Variants in CHSY1 observed in about 807,000 individuals in gnomAD.
CHSY1 encodes the protein chondroitin sulfate synthase 1.
CHSY1 carries 13 observed loss-of-function variants against 59.8 expected under a neutral mutation model. The observed-to-expected ratio is 0.22, with a 90% CI of 0.14 to 0.35. The LOEUF (loss-of-function observed/expected upper bound fraction) is 0.35. CHSY1 is among the 10% of genes least tolerant of loss of function. The pLI is 1.00. For missense variants in CHSY1, 947 were observed against 1,030.6 expected (o/e 0.92, Z 1.11); for synonymous variants, 459 against 401.2 (o/e 1.14, Z -1.72).
chr15:101,248,343 A>T (rs779923690), intron 1 of CHSY1, among the ~76,000 whole-genome samples: 5 of 152,236 alleles, frequency 3.3e-5, no homozygotes, highest in Non-Finnish European at 7.3e-5. Context: ...TTAAGGCTAA[A>T]ATCGTCTTGT....
intron 2 of CHSY1, among the ~76,000 whole-genome samples, chr15:101,198,280 A>G (rs1382565257): frequency 1.3e-5 from 2 of 152,148 alleles, no homozygotes; most frequent in Non-Finnish European, 2.9e-5. Context: ...AGACGGCAGT[A>G]AAGCAAAATG....
chr15:101,176,589 T>A lies in CHSY1; in HGVS notation c.*799A>T. 5.1e-6 allele frequency: 2 copies of A among 393,538 alleles called. No individual in the cohort carries two copies. The highest frequency in any genetic ancestry group is 9.0e-6 in the Non-Finnish European group (2 of 223,360). The allele number at this position is 393,538 out of a possible 1,614,324, so 24.4% of individuals were successfully genotyped here. On this transcript the variant is annotated 3_prime_UTR_variant, in exon 3 of 3. Coordinates refer to ENST00000254190, the MANE Select transcript of CHSY1 (RefSeq NM_014918.5). ...TCTTCACGCCCCTTGCTTTAAAACC[T>A]ACGTGGCCAGCTGGGCTTGCATGGT...
intron 2 of CHSY1, among the ~76,000 whole-genome samples, chr15:101,213,456 AAAT>A (rs2141262166): frequency 6.6e-6 from 1 of 152,376 alleles, no homozygotes; most frequent in Non-Finnish European, 1.5e-5. Flanking sequence ...AATGGAAAAC[AAAT>A]AATAAGTACG....
At chr15:101,213,808 T>C (rs989467061) in intron 2 of CHSY1, among the ~76,000 whole-genome samples, 5 of 152,322 alleles carry the variant, frequency 3.3e-5, no homozygotes, top group African/African-American at 7.2e-5. Context: ...CCACATTACA[T>C]ATTTACATAG....
At chr15:101,196,546 C>A (rs2038508930) in intron 2 of CHSY1, among the ~76,000 whole-genome samples, 1 of 152,150 alleles carries the variant, frequency 6.6e-6, no homozygotes, top group Admixed American at 6.5e-5. Flanking sequence ...GTCAAACTAA[C>A]TTGAGAGAAG....
chr15:101,222,483 C>G (rs1014536660), intron 2 of CHSY1, among the ~76,000 whole-genome samples: 1 of 152,202 alleles, frequency 6.6e-6, no homozygotes, highest in Non-Finnish European at 1.5e-5. Flanking sequence ...TACATGTATA[C>G]ACTATTACCT....
rs112285201 is a variant in CHSY1 at position 101,209,909 on chromosome 15, T to C, written c.816+25173A>G. The stretch of plus-strand genomic sequence containing the variant: ...GAAATGGCAAGTTCAACACAGAAAG[T>C]ATACAAAAAGTATACAAGTGCCTTA... On this transcript the variant is annotated intron_variant, in intron 2 of 2. Transcript: ENST00000254190. Among the ~76,000 whole-genome samples the C allele has an allele frequency of 9.8e-5, 15 of 152,322 alleles. 1 individual carries two copies. The highest frequency in any genetic ancestry group is 3.1e-4 in the African/African-American group (13 of 41,578).
intron 2 of CHSY1, among the ~76,000 whole-genome samples, chr15:101,192,695 G>C (rs2038459541): frequency 2.8e-5 from 1 of 35,896 alleles, no homozygotes; most frequent in Non-Finnish European, 4.8e-5. Context: ...CTTGAAGGCA[G>C]GTCTCACAGC....
chr15:101,235,026 T>C (rs2038927253), intron 2 of CHSY1, 56 bp downstream of exon 2: 3 of 1,600,748 alleles, frequency 1.9e-6, no homozygotes, highest in Non-Finnish European at 2.6e-6. Flanking sequence ...CGCTCAGAAC[T>C]AATGACAAAA....
At chr15:101,249,605 C>T (rs2141284774) in intron 1 of CHSY1, among the ~76,000 whole-genome samples, 1 of 150,846 alleles carries the variant, frequency 6.6e-6, no homozygotes, top group South Asian at 2.1e-4. Context: ...CCTCCGCCTC[C>T]TGGGTTCAAG....
chr15:101,188,022 T>C (rs1194657947), intron 2 of CHSY1: 1 of 985,274 alleles, frequency 1.0e-6, no homozygotes, highest in African/African-American at 1.7e-5. Context: ...CAAATGTCCT[T>C]CTTGTCCGCT....
At chr15:101,203,544 G>A (rs113370431) in intron 2 of CHSY1, among the ~76,000 whole-genome samples, 5 of 152,250 alleles carry the variant, frequency 3.3e-5, no homozygotes, top group African/African-American at 1.2e-4. Context: ...AAAAATTAGT[G>A]GATGATGCTT....
rs745978128 is a variant in CHSY1, at chr15:101,251,248, A to C, written c.209T>G (p.Leu70Arg). The C allele has an allele frequency of 1.7e-4, 248 of 1,454,034 alleles. 1 individual carries two copies. The highest frequency in any genetic ancestry group is 2.1e-4 in the Non-Finnish European group (236 of 1,103,496). The allele number at this position is 1,454,034 out of a possible 1,614,324, so 90.1% of individuals were successfully genotyped here. A position where few individuals can be genotyped will look rare whatever the true frequency, so the allele number is the denominator to read the frequency against. Residue 70 changes from leucine (L) to arginine (R), a missense_variant, in exon 1 of 3, where the codon CTC becomes CGC. This residue lies in a region of CHSY1 where 232 missense variants were observed against 188.5 expected (regional missense o/e 1.23). Transcript: ENST00000254190. ...GARGDARGAQLWPPGSDPDGG... is the reference protein window; with the variant it reads ...GARGDARGAQRWPPGSDPDGG... ...ATCTGGGTCCGAGCCGGGCGGCCAG[A>C]GCTGCGCCCCGCGCGCATCGCCGCG...
At chr15:101,211,898 C>A (rs2038686273) in intron 2 of CHSY1, among the ~76,000 whole-genome samples, 1 of 149,314 alleles carries the variant, frequency 6.7e-6, no homozygotes, top group Admixed American at 6.7e-5. Context: ...ATCTGGAATT[C>A]TATACCTAGA....
chr15:101,239,826 C>T (rs750864065), intron 1 of CHSY1, among the ~76,000 whole-genome samples: 4 of 151,066 alleles, frequency 2.6e-5, no homozygotes, highest in South Asian at 2.1e-4. Flanking sequence ...CGGTAGAGCA[C>T]GAGAAACTTC....
At chr15:101,203,433 A>G (rs1183045177) in intron 2 of CHSY1, among the ~76,000 whole-genome samples, 2 of 152,104 alleles carry the variant, frequency 1.3e-5, no homozygotes, top group Non-Finnish European at 2.9e-5. Context: ...AAGAATTACC[A>G]AAAGCCCCCA....
chr15:101,237,035 T>G (rs1180217983), intron 1 of CHSY1, among the ~76,000 whole-genome samples: 1 of 146,508 alleles, frequency 6.8e-6, no homozygotes, highest in African/African-American at 2.6e-5. Context: ...CTGGCCAACA[T>G]GGTGAAACCC....
At chr15:101,226,794 G>A (rs540082708) in intron 2 of CHSY1, among the ~76,000 whole-genome samples, 67 of 152,198 alleles carry the variant, frequency 4.4e-4, no homozygotes, top group Non-Finnish European at 8.1e-4. Context: ...TGTGAATATT[G>A]TAACTAATTG....
At position 101,228,692 on chromosome 15, in the gene CHSY1, C is replaced by A. The variant is rs1023526555; in HGVS notation, c.816+6390G>T. On this transcript the variant is annotated intron_variant, in intron 2 of 2. Coordinates refer to ENST00000254190, the MANE Select transcript of CHSY1 (RefSeq NM_014918.5). ...CATTCCAAGAGAAACAAAAGGAATT[C>A]ATCTCTAGCAAACTTGCTCTATGAA... 2.0e-5 allele frequency among the ~76,000 whole-genome samples: 3 copies of A among 152,132 alleles called. No individual in the cohort carries two copies. The South Asian group carries it at 6.2e-4, about 31-fold the overall frequency.
Sources: allele counts gnomAD v4.1 joint callset (sites outside exome capture counted in the v4.1 genomes callset), GRCh38; gene constraint gnomAD v4.1.1; regional missense constraint gnomAD v4.1.1; transcripts MANE v1.5; gene names NCBI Gene and HGNC (gene_info 2026-07-23, HGNC 2026-07-21).